The following FBXO45 variants were observed in gnomAD, a reference collection of about 807,000 sequenced individuals.
FBXO45 encodes F-box protein 45.
A neutral mutation model predicts 25.5 loss-of-function variants in FBXO45; 3 were observed. The observed-to-expected ratio is 0.12, with a 90% CI of 0.05 to 0.30. FBXO45 has a LOEUF of 0.30. FBXO45 is among the 10% of genes least tolerant of loss of function. The pLI is 1.00. For missense variants in FBXO45, 219 were observed against 365.0 expected (o/e 0.60, Z 3.26); for synonymous variants, 155 against 149.8 (o/e 1.03, Z -0.25).
Position 196,569,697 on chromosome 3 carries a change from G to T in FBXO45, c.318+395G>T, listed in dbSNP as rs999624372. ...ACCTTAACATGGGCTTAGTTTCTAA[G>T]TTTCTAAGTTTCTAGTTTGCTTTCA... On this transcript the variant is annotated intron_variant, in intron 1 of 2. Coordinates refer to ENST00000311630, the MANE Select transcript of FBXO45 (RefSeq NM_001105573.2). This position sits in a 1 kb window ranked among gnomAD's most constrained non-coding sequence, Gnocchi z 4.1. Among the ~76,000 whole-genome samples, 1 of 152,166 alleles carries T rather than the reference G, an allele frequency of 6.6e-6. No homozygotes were observed. The highest frequency in any genetic ancestry group is 2.4e-5 in the African/African-American group (1 of 41,434).
intron 1 of FBXO45, among the ~76,000 whole-genome samples, chr3:196,575,579 G>A (rs1426175634): frequency 6.6e-6 from 1 of 151,834 alleles, no homozygotes; most frequent in African/African-American, 2.4e-5. Flanking sequence ...ATTTTATAGT[G>A]AATTATTGAT....
chr3:196,569,289 G>T lies in FBXO45; in HGVS notation c.305G>T (p.Ser102Ile). ...ACGGACATCCTGTGCAACCTGCCCA[G>T]CTACAAGGCCAAGGTGAGAGAGCCC... ...LRTDILCNLP[S>I]YKAKIRAFQH... is the part of the protein sequence containing the mutation. The change falls in exon 1 of 3, where the codon AGC becomes ATC. Residue 102 changes from serine to isoleucine, a missense_variant. By Grantham distance (142) the Ser-to-Ile change is moderately radical. Around this residue, in one of 4 missense-constraint regions of FBXO45, gnomAD observed 138 missense variants for 157.3 expected, o/e 0.88. Coordinates refer to ENST00000311630, the MANE Select transcript of FBXO45 (RefSeq NM_001105573.2). This position sits in a 1 kb window ranked among gnomAD's most constrained non-coding sequence, Gnocchi z 4.1. The T allele has an allele frequency of 6.4e-7, 1 of 1,568,488 alleles. No individual in the cohort carries two copies. The highest frequency in any genetic ancestry group is 1.8e-5 in the Admixed American group (1 of 54,388).
chr3:196,577,950 C>A, intron 2 of FBXO45, 141 bp downstream of exon 2: 1 of 459,458 alleles, frequency 2.2e-6, no homozygotes, highest in Non-Finnish European at 3.4e-6. Context: ...TTTCAGATAC[C>A]CAGACTTCAA....
In FBXO45 at chr3:196,585,976, CAA is replaced by C. The variant is rs1736100966; in HGVS notation, c.*1659_*1660del. ...TTATTGTTGCCACCTGAAAAGTTTA[CAA>C]GTATTTATTGTGTATTTGATACATT... On this transcript the variant is annotated 3_prime_UTR_variant, in exon 3 of 3. Coordinates refer to ENST00000311630, the MANE Select transcript of FBXO45 (RefSeq NM_001105573.2). The C allele has an allele frequency of 6.6e-6, 1 of 152,168 alleles. No individual in the cohort carries two copies. The highest frequency in any genetic ancestry group is 1.5e-5 in the Non-Finnish European group (1 of 68,030). 9.4% of individuals were successfully genotyped at this position (152,168 alleles called of 1,614,324 possible).
chr3:196,573,729 TTG>T (rs1491478818), intron 1 of FBXO45, among the ~76,000 whole-genome samples: 22 of 150,440 alleles, frequency 1.5e-4, no homozygotes, highest in Admixed American at 2.6e-4. Flanking sequence ...ATCTGTTCAG[TTG>T]TTTTTTTTTT....
At position 196,584,122 on chromosome 3, in the gene FBXO45, T is replaced by C. The variant is rs1219700933; in HGVS notation, c.676-11T>C. The C allele has an allele frequency of 2.5e-6, 4 of 1,611,722 alleles. No individual in the cohort carries two copies. The highest frequency in any genetic ancestry group is 2.5e-6 in the Non-Finnish European group (3 of 1,179,288). On this transcript the variant is annotated splice_polypyrimidine_tract_variant and intron_variant, in intron 2 of 2. Transcript: ENST00000311630. This position sits in a 1 kb window ranked among gnomAD's most constrained non-coding sequence, Gnocchi z 4.3. ...CAGATTTTCTTCTAACCTTTTGATA[T>C]CTGTTTGCAGATAGGAGAAAGAATT...
At chr3:196,572,386 C>T (rs1310310559) in intron 1 of FBXO45, among the ~76,000 whole-genome samples, 1 of 152,152 alleles carries the variant, frequency 6.6e-6, no homozygotes, top group Non-Finnish European at 1.5e-5. Context: ...ATACCTAGTG[C>T]TCTGATTGTC....
At chr3:196,583,147 A>G (rs896899984) in intron 2 of FBXO45, among the ~76,000 whole-genome samples, 1 of 152,178 alleles carries the variant, frequency 6.6e-6, no homozygotes, top group African/African-American at 2.4e-5. Context: ...ACTTAGCATA[A>G]TATTTTCAGG....
chr3:196,588,012 A>G lies in FBXO45; in HGVS notation c.*3694A>G, dbSNP rs781067155. The G allele has an allele frequency of 4.6e-5, 7 of 152,062 alleles. No individual in the cohort carries two copies. The highest frequency in any genetic ancestry group is 1.0e-4 in the Non-Finnish European group (7 of 68,038). 9.4% of individuals were successfully genotyped at this position (152,062 alleles called of 1,614,324 possible). On this transcript the variant is annotated 3_prime_UTR_variant, in exon 3 of 3. Coordinates refer to ENST00000311630, the MANE Select transcript of FBXO45 (RefSeq NM_001105573.2). This position sits in a 1 kb window ranked among gnomAD's most constrained non-coding sequence, Gnocchi z 4.2. The stretch of plus-strand genomic sequence containing the variant: ...GGTGGTGTGATCTCAGTTCACTGCA[A>G]CCTTTGCCTCCCGGGTTCAAGTGAT...
intron 1 of FBXO45, among the ~76,000 whole-genome samples, chr3:196,570,669 C>T (rs1735806109): frequency 6.6e-6 from 1 of 151,298 alleles, no homozygotes; most frequent in South Asian, 2.1e-4. Flanking sequence ...GGAACATTGC[C>T]ATTAAATATG....
intron 1 of FBXO45, among the ~76,000 whole-genome samples, chr3:196,572,173 G>GGAAAAAAAGA (rs1262250995): frequency 5.9e-5 from 9 of 152,128 alleles, no homozygotes; most frequent in Non-Finnish European, 1.2e-4. Context: ...GGAAAGTAAA[G>GGAAAAAAAGA]GGTTTGTACA....
Position 196,569,095 on chromosome 3 carries a change from C to T in FBXO45, c.111C>T (p.Gly37=), listed in dbSNP as rs1384673275. Residue 37 remains glycine, a synonymous_variant, in exon 1 of 3, where the codon GGC becomes GGT. Coordinates refer to ENST00000311630, the MANE Select transcript of FBXO45 (RefSeq NM_001105573.2). The surrounding 1 kb of genome is among the most constrained non-coding windows in gnomAD (Gnocchi z 4.1). ...GCTCTGGGGCCGCGGGGGCCGGGGG[C>T]CGGCTGCCCAGCCGGGTGCTGGAGT... ...GSGSGAAGAG[G]RLPSRVLELV... 2 of 1,472,536 alleles carry T rather than the reference C, an allele frequency of 1.4e-6. No homozygotes were observed. The highest frequency in any genetic ancestry group is 1.8e-6 in the Non-Finnish European group (2 of 1,101,664). The allele number at this position is 1,472,536 out of a possible 1,614,324, so 91.2% of individuals were successfully genotyped here.
chr3:196,576,312 C>T (rs1468545609), intron 1 of FBXO45, among the ~76,000 whole-genome samples: 2 of 152,098 alleles, frequency 1.3e-5, no homozygotes, highest in East Asian at 3.9e-4. Context: ...TGATTTTTCT[C>T]AGGTTAGCTG....
intron 1 of FBXO45, among the ~76,000 whole-genome samples, chr3:196,570,887 A>G (rs1735812715): frequency 1.3e-5 from 2 of 151,430 alleles, no homozygotes; most frequent in Admixed American, 6.6e-5. Flanking sequence ...AATTTTTTGT[A>G]CTTTCAGTAG....
intron 2 of FBXO45, among the ~76,000 whole-genome samples, chr3:196,579,259 T>C (rs557193420): frequency 3.9e-5 from 6 of 152,334 alleles, no homozygotes; most frequent in Admixed American, 6.5e-5. Context: ...ACCTGTGGCG[T>C]GAAAGTTCCA....
At position 196,588,738 on chromosome 3, in the gene FBXO45, C is replaced by T. The variant is rs1185037608; in HGVS notation, c.*4420C>T. 6.6e-6 allele frequency: 1 copy of T among 151,952 alleles called. No homozygotes were observed. Among genetic ancestry groups the T allele is most frequent in the Non-Finnish European group, 1.5e-5 (1 of 68,036 alleles). 9.4% of individuals were successfully genotyped at this position (151,952 alleles called of 1,614,324 possible). On this transcript the variant is annotated 3_prime_UTR_variant, in exon 3 of 3. Transcript: ENST00000311630. This position sits in a 1 kb window ranked among gnomAD's most constrained non-coding sequence, Gnocchi z 4.2. ...CAATAGGCAGGTGCTCACATATTTG[C>T]TGAAGGAACAGAGAAAGAACTGCGG...
At position 196,584,489 on chromosome 3, in the gene FBXO45, C is replaced by T. The variant is rs1471874434; in HGVS notation, c.*171C>T. 1 of 599,250 alleles carries T rather than the reference C, an allele frequency of 1.7e-6. No homozygotes were observed. The highest frequency in any genetic ancestry group is 2.7e-6 in the Non-Finnish European group (1 of 366,152). The allele number at this position is 599,250 out of a possible 1,614,324, so 37.1% of individuals were successfully genotyped here. On this transcript the variant is annotated 3_prime_UTR_variant, in exon 3 of 3. Transcript: ENST00000311630. The surrounding 1 kb of genome is among the most constrained non-coding windows in gnomAD (Gnocchi z 4.3). Reference sequence around the variant, plus strand: ...GAGATTATCTTCGTGTTTCCTCTTTCTACTGGGCCAGAAAAATCCTCAGGG... The same window carrying T: ...GAGATTATCTTCGTGTTTCCTCTTTTTACTGGGCCAGAAAAATCCTCAGGG...
At chr3:196,571,751 G>T (rs1396632061) in intron 1 of FBXO45, among the ~76,000 whole-genome samples, 1 of 152,156 alleles carries the variant, frequency 6.6e-6, no homozygotes, top group Admixed American at 6.6e-5. Context: ...TCCTTCCAGA[G>T]ATATTTTAGG....
intron 1 of FBXO45, among the ~76,000 whole-genome samples, chr3:196,572,530 G>C (rs1156235110): frequency 6.6e-6 from 1 of 152,132 alleles, no homozygotes; most frequent in Non-Finnish European, 1.5e-5. Flanking sequence ...TGAGTGTGAG[G>C]GATGGAAAAT....
Sources: allele counts gnomAD v4.1 joint callset (sites outside exome capture counted in the v4.1 genomes callset), GRCh38; gene constraint gnomAD v4.1.1; regional missense constraint gnomAD v4.1.1; non-coding constraint Gnocchi (gnomAD v3.1); transcripts MANE v1.5; gene names NCBI Gene and HGNC (gene_info 2026-07-23, HGNC 2026-07-21).